Variants in INSL6 observed in about 807,000 individuals in gnomAD.
INSL6 encodes insulin like 6.
Under a neutral mutation model 9.4 loss-of-function variants are expected in INSL6, and 16 were observed. The observed-to-expected ratio is 1.70, with a 90% CI of 1.15 to 2.59. The LOEUF (loss-of-function observed/expected upper bound fraction) is 2.59. Among genes scored for constraint, INSL6 ranks in the 30% most tolerant of loss-of-function variants. The pLI is 0.00. For missense variants in INSL6, 391 were observed against 257.3 expected, an observed-to-expected ratio of 1.52 and a Z score of -3.56; for synonymous variants, 154 against 96.9, an observed-to-expected ratio of 1.59 and a Z score of -3.46.
the INSL6 span, among the ~76,000 whole-genome samples, chr9:5,058,575 T>C: frequency 2.0e-5 from 3 of 152,162 alleles, no homozygotes; most frequent in Admixed American, 6.5e-5. Flanking sequence ...TACCTAGAAG[T>C]AGAATTGCTG....
At chr9:5,111,891 G>C in the INSL6 span, 3 of 360,712 alleles carry the variant, frequency 8.3e-6, no homozygotes, top group Non-Finnish European at 1.6e-5. Context: ...GCAGCTCTGG[G>C]GACGCCCTCG....
intron 1 of INSL6, among the ~76,000 whole-genome samples, chr9:5,168,195 T>C (rs891763742): frequency 6.6e-6 from 1 of 152,068 alleles, no homozygotes; most frequent in African/African-American, 2.4e-5. Context: ...CATGACTCCA[T>C]GAAGGGCACA....
the INSL6 span, among the ~76,000 whole-genome samples, chr9:5,025,862 A>T: frequency 6.6e-6 from 1 of 152,200 alleles, no homozygotes; most frequent in Non-Finnish European, 1.5e-5. Context: ...GAAGTTTTAA[A>T]TTAATGAATC....
chr9:5,035,769 A>G, the INSL6 span, among the ~76,000 whole-genome samples: 2 of 152,328 alleles, frequency 1.3e-5, no homozygotes, highest in South Asian at 2.1e-4. Flanking sequence ...CCGACAGCCA[A>G]TATCATACTG....
the INSL6 span, among the ~76,000 whole-genome samples, chr9:5,027,564 C>T: frequency 7.2e-5 from 11 of 152,126 alleles, no homozygotes; most frequent in South Asian, 4.1e-4. Context: ...GTTGCTGCAT[C>T]AGTGGACTCT....
chr9:5,130,735 T>C (rs1435925662), intron 3 of INSL6, among the ~76,000 whole-genome samples: 1 of 150,882 alleles, frequency 6.6e-6, no homozygotes, highest in Non-Finnish European at 1.5e-5. Flanking sequence ...TATTTTTTTT[T>C]TTATTTTTTT....
chr9:5,158,194 G>A (rs978715434), intron 2 of INSL6, among the ~76,000 whole-genome samples: 31 of 152,200 alleles, frequency 2.0e-4, no homozygotes, highest in Non-Finnish European at 4.1e-4. Flanking sequence ...CCATGCCTAC[G>A]GCCTCTAGAA....
intron 1 of INSL6, among the ~76,000 whole-genome samples, chr9:5,176,325 GCT>G (rs1825308106): frequency 6.6e-6 from 1 of 151,964 alleles, no homozygotes; most frequent in Admixed American, 6.6e-5. Flanking sequence ...TCAACTCCTT[GCT>G]CTGTTTATCT....
the INSL6 span, among the ~76,000 whole-genome samples, chr9:5,031,824 G>T: frequency 6.6e-6 from 1 of 152,228 alleles, no homozygotes; most frequent in Non-Finnish European, 1.5e-5. Flanking sequence ...ACAGCTCCCA[G>T]CATGGGCGAT....
chr9:5,135,130 G>C (rs932718627), intron 2 of INSL6, among the ~76,000 whole-genome samples: 3 of 152,110 alleles, frequency 2.0e-5, no homozygotes, highest in Admixed American at 2.0e-4. Flanking sequence ...AACAAGAAGA[G>C]CTAACTATCC....
At position 5,185,541 on chromosome 9, in the gene INSL6, C is replaced by A. The variant is rs1344986306; in HGVS notation, c.62G>T (p.Arg21Leu). The A allele has an allele frequency of 5.0e-6, 8 of 1,613,966 alleles. No individual in the cohort carries two copies. The highest frequency in any genetic ancestry group is 4.0e-5 in the African/African-American group (3 of 74,932). The change falls in exon 1 of 2, where the codon CGT becomes CTT. Residue 21 changes from arginine to leucine, a missense_variant. Coordinates refer to ENST00000381641, the MANE Select transcript of INSL6 (RefSeq NM_007179.3). ...GGCACTGCTGATGTCGCTCAGTTCACGAGAAAACCGAACCAGCAGGAGTCC... is the reference window on the plus strand; with the variant it reads ...GGCACTGCTGATGTCGCTCAGTTCAAGAGAAAACCGAACCAGCAGGAGTCC... Reference protein sequence around the residue: ...WLGLLLVRFSRELSDISSARK... With the variant: ...WLGLLLVRFSLELSDISSARK...
At chr9:5,145,900 C>T (rs981707041) in intron 2 of INSL6, among the ~76,000 whole-genome samples, 1 of 152,176 alleles carries the variant, frequency 6.6e-6, no homozygotes, top group Non-Finnish European at 1.5e-5. Flanking sequence ...ACTCCTGTGG[C>T]TCAGTGAACT....
At chr9:5,004,246 CAG>C in the INSL6 span, among the ~76,000 whole-genome samples, 1 of 152,150 alleles carries the variant, frequency 6.6e-6, no homozygotes, top group Non-Finnish European at 1.5e-5. Context: ...TCCTATCTAA[CAG>C]AAATTTCGTA....
At chr9:5,016,734 G>T in the INSL6 span, among the ~76,000 whole-genome samples, 1 of 152,122 alleles carries the variant, frequency 6.6e-6, no homozygotes, top group Non-Finnish European at 1.5e-5. Context: ...CCTCCTGCCA[G>T]TTATTCTCCA....
intron 3 of INSL6, among the ~76,000 whole-genome samples, chr9:5,131,257 G>A (rs930121091): frequency 1.3e-5 from 2 of 151,966 alleles, no homozygotes; most frequent in African/African-American, 4.8e-5. Context: ...ATTACAGTGA[G>A]CTTTTATTGG....
chr9:5,094,455 T>G, the INSL6 span: 1 of 152,168 alleles, frequency 6.6e-6, no homozygotes, highest in African/African-American at 2.4e-5. Flanking sequence ...ATTCAAATTA[T>G]GTACTGATCG....
chr9:5,008,949 G>A, the INSL6 span, among the ~76,000 whole-genome samples: 3 of 151,962 alleles, frequency 2.0e-5, no homozygotes, highest in Non-Finnish European at 4.4e-5. Flanking sequence ...CTAGGACCTG[G>A]GAGTTTGTCT....
At chr9:4,998,255 G>GT in the INSL6 span, among the ~76,000 whole-genome samples, 2 of 151,916 alleles carry the variant, frequency 1.3e-5, no homozygotes, top group Admixed American at 6.6e-5. Context: ...ACTCCAACGG[G>GT]TTTTTTTGTT....
chr9:5,142,692 C>T (rs1564038642), intron 2 of INSL6, among the ~76,000 whole-genome samples: 1 of 151,800 alleles, frequency 6.6e-6, no homozygotes, highest in Admixed American at 6.6e-5. Flanking sequence ...AATACTCTTT[C>T]TTTTTCTTGC....
Sources: gnomAD v4.1 joint callset for allele counts (sites outside exome capture counted in the v4.1 genomes callset) on GRCh38, gnomAD v4.1.1 for gene constraint, MANE v1.5 for transcripts, NCBI Gene and HGNC (gene_info 2026-07-23, HGNC 2026-07-21) for gene names.